ZNF358: variants seen among roughly 807,000 people sequenced by gnomAD.
The protein encoded by ZNF358 is zinc finger protein 358.
Under a neutral mutation model 2.1 loss-of-function variants are expected in ZNF358, and 1 was observed. The observed-to-expected ratio is 0.49, with a 90% CI of 0.17 to 2.30. The LOEUF is 2.30. Ranked by LOEUF, ZNF358 falls within the 30% of genes most tolerant of loss-of-function variation. ZNF358 has a pLI of 0.26. For missense variants in ZNF358, 665 were observed against 806.8 expected (o/e 0.82, Z 2.13); for synonymous variants, 381 against 359.7 (o/e 1.06, Z -0.67).
At position 7,516,164 on chromosome 19, in the gene ZNF358, T is replaced by G. The variant is rs1048144635; in HGVS notation, c.-124T>G. The G allele has an allele frequency of 7.5e-6, 1 of 133,498 alleles. No individual in the cohort carries two copies. The highest frequency in any genetic ancestry group is 2.7e-5 in the African/African-American group (1 of 36,378). The allele number at this position is 133,498 out of a possible 1,614,324, so 8.3% of individuals were successfully genotyped here. Reference sequence around the variant, plus strand: ...GGGCCGAGGGGGCCGCCGGCGGGGCTGGCGGGCGGGGGGCTTCCTGCGGGC... The same window carrying G: ...GGGCCGAGGGGGCCGCCGGCGGGGCGGGCGGGCGGGGGGCTTCCTGCGGGC... On this transcript the variant is annotated 5_prime_UTR_variant, in exon 1 of 2. Coordinates refer to ENST00000597229, the MANE Select transcript of ZNF358 (RefSeq NM_018083.5). This position sits in a 1 kb window ranked among gnomAD's most constrained non-coding sequence, Gnocchi z 5.9.
At chr19:7,514,816 A>G (rs1184132392), upstream of ZNF358, among the ~76,000 whole-genome samples, 2 of 152,136 alleles carry the variant, frequency 1.3e-5, no homozygotes, top group Non-Finnish European at 2.9e-5. Context: ...TATTTTTAGT[A>G]GAGACAGGAT....
At chr19:7,514,645 G>A (rs571964822), upstream of ZNF358, among the ~76,000 whole-genome samples, 4 of 152,114 alleles carry the variant, frequency 2.6e-5, no homozygotes, top group East Asian at 5.8e-4. Context: ...TTTTGTTTTT[G>A]TTTTTGAGAC....
At position 7,516,411 on chromosome 19, in the gene ZNF358, C is replaced by T. The variant is rs1158665655; in HGVS notation, c.-39+162C>T. On this transcript the variant is annotated intron_variant, in intron 1 of 1. Transcript: ENST00000597229. This position sits in a 1 kb window ranked among gnomAD's most constrained non-coding sequence, Gnocchi z 5.9. ...CCCAGGCGAGCGGGGGTCGCGGGAG[C>T]GATGGGGAGGGGACTCTGCGGCCAG... Among the ~76,000 whole-genome samples the T allele has an allele frequency of 6.6e-6, 1 of 150,742 alleles. No homozygotes were observed. The highest frequency in any genetic ancestry group is 1.5e-5 in the Non-Finnish European group (1 of 67,598).
At chr19:7,515,772 G>A (rs2022327849), upstream of ZNF358, among the ~76,000 whole-genome samples, 1 of 152,110 alleles carries the variant, frequency 6.6e-6, no homozygotes, top group South Asian at 2.1e-4. Flanking sequence ...ACAGAGAAAG[G>A]AACAGAGATG....
intron 1 of ZNF358, among the ~76,000 whole-genome samples, chr19:7,517,795 G>C (rs550283854): frequency 2.6e-5 from 4 of 152,268 alleles, no homozygotes; most frequent in African/African-American, 9.6e-5. Flanking sequence ...CTTTTCCCCA[G>C]AGGGCAAGCC....
At position 7,516,807 on chromosome 19, in the gene ZNF358, G is replaced by C. The variant is rs1322465948; in HGVS notation, c.-39+558G>C. On this transcript the variant is annotated intron_variant, in intron 1 of 1. Transcript: ENST00000597229. The surrounding 1 kb of genome is among the most constrained non-coding windows in gnomAD (Gnocchi z 5.9). ...GGGGTCCACCTGCCCTCACCCCTGG[G>C]AACTCAGGAAAGACTTAAGTGATTT... Among the ~76,000 whole-genome samples, 1 of 151,976 alleles carries C rather than the reference G, an allele frequency of 6.6e-6. No individual in the cohort carries two copies. The highest frequency in any genetic ancestry group is 1.9e-4 in the East Asian group (1 of 5,160).
chr19:7,519,212 C>T lies in ZNF358; in HGVS notation c.-31C>T. On this transcript the variant is annotated 5_prime_UTR_variant, in exon 2 of 2. Coordinates refer to ENST00000597229, the MANE Select transcript of ZNF358 (RefSeq NM_018083.5). Reference sequence around the variant, plus strand: ...CTATCCTTGCCCTTGCAGGTCTTGCCCCAGAAGCTGCGGGCACATCCACGC... The same window carrying T: ...CTATCCTTGCCCTTGCAGGTCTTGCTCCAGAAGCTGCGGGCACATCCACGC... 1.2e-6 allele frequency: 2 copies of T among 1,601,338 alleles called. No homozygotes were observed. The highest frequency in any genetic ancestry group is 8.5e-7 in the Non-Finnish European group (1 of 1,173,974).
rs750470701 is a variant in ZNF358, at chr19:7,520,893, G to A, written c.1651G>A (p.Gly551Ser). 40 of 1,613,926 alleles carry A rather than the reference G, an allele frequency of 2.5e-5. No individual in the cohort carries two copies. Among genetic ancestry groups the A allele is most frequent in the African/African-American group, 1.1e-4 (8 of 74,906 alleles). Reference protein sequence around the residue: ...RGTVSPALPTGESPEWVQEQG... With the variant: ...RGTVSPALPTSESPEWVQEQG... ...CACTGTCAGCCCAGCCCTCCCTACC[G>A]GCGAGAGTCCAGAGTGGGTACAGGA... The change falls in exon 2 of 2, where the codon GGC becomes AGC. Residue 551 changes from glycine (G) to serine (S), a missense_variant. Physicochemically the swap from Gly to Ser is moderately conservative, Grantham distance 56. Coordinates refer to ENST00000597229, the MANE Select transcript of ZNF358 (RefSeq NM_018083.5). This position sits in a 1 kb window ranked among gnomAD's most constrained non-coding sequence, Gnocchi z 6.0.
rs770429183 is a variant in ZNF358 at position 7,520,958 on chromosome 19, C to T, written c.*9C>T. ...TGGGGCCTGATGGCTGAAGGAGACG[C>T]CGGCATCCTCGGGGGCCTGGGGAAG... On this transcript the variant is annotated 3_prime_UTR_variant, in exon 2 of 2. Transcript: ENST00000597229. The surrounding 1 kb of genome is among the most constrained non-coding windows in gnomAD (Gnocchi z 6.0). 1 of 1,609,966 alleles carries T rather than the reference C, an allele frequency of 6.2e-7. No homozygotes were observed. The highest frequency in any genetic ancestry group is 1.1e-5 in the South Asian group (1 of 90,904).
Position 7,520,870 on chromosome 19 carries a change from C to T in ZNF358, c.1628C>T (p.Thr543Ile). 1 of 1,614,136 alleles carries T rather than the reference C, an allele frequency of 6.2e-7. No individual in the cohort carries two copies. Among genetic ancestry groups the T allele is most frequent in the East Asian group, 2.2e-5 (1 of 44,876 alleles). ...GACCCCTGTTCTCCCACTCGTGGCA[C>T]TGTCAGCCCAGCCCTCCCTACCGGC... Reference protein sequence around the residue: ...CPDPCSPTRGTVSPALPTGES... With the variant: ...CPDPCSPTRGIVSPALPTGES... Residue 543 changes from threonine to isoleucine, a missense_variant, in exon 2 of 2, where the codon ACT becomes ATT. Thr to Ile is a moderately conservative substitution (Grantham distance 89, BLOSUM62 -1). Around this residue, in one of 3 missense-constraint regions of ZNF358, gnomAD observed 249 missense variants for 227.6 expected, o/e 1.09. Transcript: ENST00000597229. This position sits in a 1 kb window ranked among gnomAD's most constrained non-coding sequence, Gnocchi z 6.0.
Position 7,519,421 on chromosome 19 carries a change from G to A in ZNF358, c.179G>A (p.Ser60Asn), listed in dbSNP as rs772165248. 21 of 1,613,944 alleles carry A rather than the reference G, an allele frequency of 1.3e-5. No homozygotes were observed. Among genetic ancestry groups the A allele is most frequent in the Admixed American group, 5.0e-5 (3 of 60,002 alleles). Residue 60 changes from serine to asparagine, a missense_variant, in exon 2 of 2, where the codon AGC becomes AAC. Coordinates refer to ENST00000597229, the MANE Select transcript of ZNF358 (RefSeq NM_018083.5). ...LNTVPEDVDP[S>N]YEDLEPVSED... ...ACTGTCCCGGAAGACGTGGACCCCAGCTATGAAGATCTGGAGCCCGTCTCG... is the reference window on the plus strand; with the variant it reads ...ACTGTCCCGGAAGACGTGGACCCCAACTATGAAGATCTGGAGCCCGTCTCG...
In ZNF358 at chr19:7,520,365, T is replaced by C; in HGVS notation, c.1123T>C (p.Tyr375His). The change falls in exon 2 of 2, where the codon TAT becomes CAT. Residue 375 changes from tyrosine (Y) to histidine (H), a missense_variant. By Grantham distance (83) the Tyr-to-His change is moderately conservative (BLOSUM62 2). Coordinates refer to ENST00000597229, the MANE Select transcript of ZNF358 (RefSeq NM_018083.5). The surrounding 1 kb of genome is among the most constrained non-coding windows in gnomAD (Gnocchi z 6.0). The stretch of plus-strand genomic sequence containing the variant: ...GCACGTGCATTCGGGCGAGCGTCCC[T>C]ATCGCTGTCAGCTCTGCGGGAAGGC... ...HLHVHSGERP[Y>H]RCQLCGKAFG... is the part of the protein sequence containing the mutation. 1 of 1,612,370 alleles carries C rather than the reference T, an allele frequency of 6.2e-7. No homozygotes were observed. Among genetic ancestry groups the C allele is most frequent in the Non-Finnish European group, 8.5e-7 (1 of 1,179,642 alleles).
chr19:7,518,653 G>T (rs1237854299), intron 1 of ZNF358, among the ~76,000 whole-genome samples: 1 of 152,124 alleles, frequency 6.6e-6, no homozygotes, highest in Non-Finnish European at 1.5e-5. Context: ...TACTTGAGAG[G>T]CCGAGGTGGG....
Position 7,519,235 on chromosome 19 carries a change from C to T in ZNF358, c.-8C>T, listed in dbSNP as rs561154955. The T allele has an allele frequency of 1.9e-6, 3 of 1,610,838 alleles. No individual in the cohort carries two copies. Among genetic ancestry groups the T allele is most frequent in the African/African-American group, 1.3e-5 (1 of 74,658 alleles). The stretch of plus-strand genomic sequence containing the variant: ...GCCCCAGAAGCTGCGGGCACATCCA[C>T]GCCTGAAATGCGGCGCTCAGTCCTG... On this transcript the variant is annotated 5_prime_UTR_variant, in exon 2 of 2. The change creates a new upstream start codon in the 5' untranslated region. Transcript: ENST00000597229.
Position 7,520,518 on chromosome 19 carries a change from C to T in ZNF358, c.1276C>T (p.Pro426Ser). 1 of 1,281,362 alleles carries T rather than the reference C, an allele frequency of 7.8e-7. No homozygotes were observed. The allele number at this position is 1,281,362 out of a possible 1,614,324, so 79.4% of individuals were successfully genotyped here. A position where few individuals can be genotyped will look rare whatever the true frequency, so the allele number is the denominator to read the frequency against. Residue 426 changes from proline to serine, a missense_variant, in exon 2 of 2, where the codon CCT (proline) becomes TCT (serine). Physicochemically the swap from Pro to Ser is moderately conservative, Grantham distance 74. Transcript: ENST00000597229. This position sits in a 1 kb window ranked among gnomAD's most constrained non-coding sequence, Gnocchi z 6.0. ...CCTGGGCCTCGGGCCTGGCCTAAGC[C>T]CTGCATCCATGATGAGGCCGGGGCA... is the stretch of plus-strand genomic sequence containing the variant. ...AGLGLGPGLS[P>S]ASMMRPGQVS...
chr19:7,514,075 G>C (rs2022305400), upstream of ZNF358: 1 of 152,254 alleles, frequency 6.6e-6, no homozygotes, highest in South Asian at 2.1e-4. Context: ...TGTACATCTT[G>C]GTGCATATTG....
At position 7,519,898 on chromosome 19, in the gene ZNF358, G is replaced by T; in HGVS notation, c.656G>T (p.Arg219Leu). 6.5e-7 allele frequency: 1 copy of T among 1,528,866 alleles called. No individual in the cohort carries two copies. The highest frequency in any genetic ancestry group is 8.7e-7 in the Non-Finnish European group (1 of 1,143,982). 94.7% of individuals were successfully genotyped at this position (1,528,866 alleles called of 1,614,324 possible). The stretch of plus-strand genomic sequence containing the variant: ...GCCTGCGGCAAGGCCTTCGGCTGGC[G>T]CTCCACGCTGCTGAAACATCGCAGC... ...CAACGKAFGW[R>L]STLLKHRSSH... is the part of the protein sequence containing the mutation. The change falls in exon 2 of 2, where the codon CGC becomes CTC. Residue 219 changes from arginine (R) to leucine (L), a missense_variant. By Grantham distance (102) the Arg-to-Leu change is moderately radical (BLOSUM62 -2). Transcript: ENST00000597229.
rs776289721 is a variant in ZNF358, at chr19:7,520,165, A to T, written c.923A>T (p.Gln308Leu). Residue 308 changes from glutamine (Q) to leucine (L), a missense_variant, in exon 2 of 2, where the codon CAG (glutamine) becomes CTG (leucine). Gln to Leu is a moderately radical substitution (Grantham distance 113). Around this residue, in one of 3 missense-constraint regions of ZNF358, gnomAD observed 210 missense variants for 350.8 expected, o/e 0.60. Transcript: ENST00000597229. This position sits in a 1 kb window ranked among gnomAD's most constrained non-coding sequence, Gnocchi z 6.0. The stretch of plus-strand genomic sequence containing the variant: ...TTCGGGCAGAGCTCGGCGCTGCTGC[A>T]GCACCAGCGCACACACACGGCCGAG... ...KAFGQSSALLQHQRTHTAERP... is the reference protein window; with the variant it reads ...KAFGQSSALLLHQRTHTAERP... 6.2e-7 allele frequency: 1 copy of T among 1,601,382 alleles called. No individual in the cohort carries two copies. Among genetic ancestry groups the T allele is most frequent in the African/African-American group, 1.3e-5 (1 of 74,950 alleles).
At position 7,516,500 on chromosome 19, in the gene ZNF358, C is replaced by A. The variant is rs564108466; in HGVS notation, c.-39+251C>A. Among the ~76,000 whole-genome samples the A allele has an allele frequency of 4.9e-4, 74 of 151,970 alleles. No individual in the cohort carries two copies. The highest frequency in any genetic ancestry group is 1.8e-3 in the African/African-American group (73 of 41,506). ...GGGGAAAGGGCCAGGAGGTTGGGAG[C>A]CTTCAATCGGGCGGGGTGGGGGGCG... On this transcript the variant is annotated intron_variant, in intron 1 of 1. Transcript: ENST00000597229. This position sits in a 1 kb window ranked among gnomAD's most constrained non-coding sequence, Gnocchi z 5.9.
Sources: gnomAD v4.1 joint callset for allele counts (sites outside exome capture counted in the v4.1 genomes callset) on GRCh38, gnomAD v4.1.1 for gene constraint, gnomAD v4.1.1 regional missense constraint, Gnocchi (gnomAD v3.1) non-coding constraint, MANE v1.5 for transcripts, NCBI Gene and HGNC (gene_info 2026-07-23, HGNC 2026-07-21) for gene names.